The following BPIFA2 variants were observed in gnomAD, a reference collection of about 807,000 sequenced individuals.
BPIFA2 encodes BPI fold containing family A member 2.
BPIFA2 carries 20 observed loss-of-function variants against 25.7 expected under a neutral mutation model. That is an observed-to-expected ratio of 0.78 (90% CI 0.55 to 1.13). BPIFA2 has a LOEUF of 1.13. BPIFA2 is among the 50% of genes most tolerant of loss of function. BPIFA2 has a pLI of 0.00. For synonymous variants in BPIFA2, 126 were observed against 124.3 expected, an observed-to-expected ratio of 1.01 and a Z score of -0.09; for missense variants, 300 against 298.1, an observed-to-expected ratio of 1.01 and a Z score of -0.05.
At chr20:33,166,499 C>T (rs6087460), upstream of BPIFA2, among the ~76,000 whole-genome samples, 1 of 152,204 alleles carries the variant, frequency 6.6e-6, no homozygotes, top group Non-Finnish European at 1.5e-5. Flanking sequence ...GGGTATTACA[C>T]TAATTTGACC....
chr20:33,166,047 C>T (rs781258689), upstream of BPIFA2, among the ~76,000 whole-genome samples: 13 of 152,068 alleles, frequency 8.5e-5, no homozygotes, highest in Non-Finnish European at 1.5e-4. Context: ...GACGGAGTTT[C>T]GCTCTTTTGC....
At chr20:33,179,797 G>A in intron 7 of BPIFA2, 130 bp downstream of exon 7, 1 of 939,646 alleles carries the variant, frequency 1.1e-6, no homozygotes, top group Non-Finnish European at 1.7e-6. Context: ...TGGGAGCCAT[G>A]GCTTCCCCTC....
chr20:33,173,907 G>C lies in BPIFA2; in HGVS notation c.303-172G>C, dbSNP rs560174832. 1.8e-3 allele frequency among the ~76,000 whole-genome samples: 278 copies of C among 152,306 alleles called. 2 individuals carry two copies. The highest frequency in any genetic ancestry group is 1.8e-3 in the Non-Finnish European group (125 of 68,030). ...GAAAATCACACCAGCCTGAGCCTCA[G>C]TGTGCTGTGCCATAAAATACAGAGA... is the stretch of plus-strand genomic sequence containing the variant. On this transcript the variant is annotated intron_variant, in intron 3 of 8. Transcript: ENST00000354932.
intron 2 of BPIFA2, among the ~76,000 whole-genome samples, 155 bp from the exon 3 acceptor site, chr20:33,172,777 A>T (rs1268367847): frequency 3.3e-5 from 5 of 152,136 alleles, no homozygotes; most frequent in Non-Finnish European, 7.4e-5. Flanking sequence ...TTATTTCCTT[A>T]GCTATAAAAA....
intron 7 of BPIFA2, among the ~76,000 whole-genome samples, 165 bp from the exon 8 acceptor site, chr20:33,180,355 A>C (rs1379581263): frequency 6.6e-6 from 1 of 152,156 alleles, no homozygotes; most frequent in East Asian, 1.9e-4. Context: ...CTGTCATTGT[A>C]CCCACTTTAC....
Position 33,169,204 on chromosome 20 carries a change from C to T in BPIFA2, c.59C>T (p.Ser20Phe), listed in dbSNP as rs1190562237. The T allele has an allele frequency of 3.7e-6, 6 of 1,613,938 alleles. No homozygotes were observed. Among genetic ancestry groups the T allele is most frequent in the Middle Eastern group, 1.6e-4 (1 of 6,084 alleles). Residue 20 changes from serine to phenylalanine, a missense_variant, in exon 2 of 9, where the codon TCT (serine) becomes TTT (phenylalanine). Physicochemically the swap from Ser to Phe is radical, Grantham distance 155. Coordinates refer to ENST00000354932, the MANE Select transcript of BPIFA2 (RefSeq NM_080574.4). ...GGCGTGCTCACTGGGACCTCAGAGT[C>T]TCTTCTTGACAATCTTGGCAATGAC... ...LCGVLTGTSE[S>F]LLDNLGNDLS...
chr20:33,180,744 G>C, intron 8 of BPIFA2, 147 bp downstream of exon 8: 1 of 639,948 alleles, frequency 1.6e-6, no homozygotes, highest in Non-Finnish European at 2.7e-6. Flanking sequence ...GCTAGGCCCT[G>C]ATTCTGGTCA....
chr20:33,178,177 T>G lies in BPIFA2; in HGVS notation c.594T>G (p.Asn198Lys), dbSNP rs1984148067. The G allele has an allele frequency of 6.2e-7, 1 of 1,607,502 alleles. No homozygotes were observed. The highest frequency in any genetic ancestry group is 1.1e-5 in the South Asian group (1 of 90,304). ...GCCAAATCATCAACAAGTTCGTGAA[T>G]AGCGTGATCAACACGCTGAAAAGCA... ...KHSQIINKFV[N>K]SVINTLKSTV... is the part of the protein sequence containing the mutation. The change falls in exon 6 of 9, where the codon AAT becomes AAG. Residue 198 changes from asparagine to lysine, a missense_variant. Asn to Lys is a moderately conservative substitution (Grantham distance 94, BLOSUM62 0). Coordinates refer to ENST00000354932, the MANE Select transcript of BPIFA2 (RefSeq NM_080574.4).
rs180727332 is a variant in BPIFA2, at chr20:33,169,400, G to A, written c.157+98G>A. The A allele has an allele frequency of 4.9e-3, 6,171 of 1,264,420 alleles. 49 individuals are homozygous for A. The highest frequency in any genetic ancestry group is 4.5e-3 in the Non-Finnish European group (4,040 of 904,212). 78.3% of individuals were successfully genotyped at this position (1,264,420 alleles called of 1,614,324 possible). A position where few individuals can be genotyped will look rare whatever the true frequency, so the allele number is the denominator to read the frequency against. On this transcript the variant is annotated intron_variant, in intron 2 of 8. Transcript: ENST00000354932. Reference sequence around the variant, plus strand: ...CTGCCACCAGGGGCTACTCTTTATGGGCGGTTTACTGAGAAAAGTGGCTAT... The same window carrying A: ...CTGCCACCAGGGGCTACTCTTTATGAGCGGTTTACTGAGAAAAGTGGCTAT...
intron 2 of BPIFA2, among the ~76,000 whole-genome samples, chr20:33,170,649 C>T (rs1286515875): frequency 6.6e-6 from 1 of 152,184 alleles, no homozygotes; most frequent in Non-Finnish European, 1.5e-5. Context: ...CTGCCTTGGC[C>T]TCCCGAAGTA....
intron 6 of BPIFA2, 103 bp from the exon 7 acceptor site, chr20:33,179,501 T>G: frequency 1.1e-6 from 1 of 883,736 alleles, no homozygotes; most frequent in Non-Finnish European, 1.9e-6. Context: ...TCCCTAGAAA[T>G]GAGCTCATCT....
intron 2 of BPIFA2, among the ~76,000 whole-genome samples, chr20:33,170,177 T>C (rs6120132): frequency 0.17 from 25,113 of 152,172 alleles, 5,248 homozygotes; most frequent in African/African-American, 0.49. Context: ...ATTATACGAT[T>C]AGACGTAGTT....
At chr20:33,165,753 C>A (rs932388645), upstream of BPIFA2, among the ~76,000 whole-genome samples, 1 of 152,164 alleles carries the variant, frequency 6.6e-6, no homozygotes, top group African/African-American at 2.4e-5. Flanking sequence ...AAATTCATCT[C>A]GCGACCCTCA....
intron 4 of BPIFA2, 143 bp from the exon 5 acceptor site, chr20:33,175,264 A>T: frequency 1.2e-6 from 1 of 802,416 alleles, no homozygotes; most frequent in Non-Finnish European, 2.0e-6. Flanking sequence ...CTCATAGAGG[A>T]TATGGACCAT....
chr20:33,174,462 A>G (rs1483150588), intron 4 of BPIFA2, among the ~76,000 whole-genome samples: 2 of 152,220 alleles, frequency 1.3e-5, no homozygotes, highest in Non-Finnish European at 2.9e-5. Context: ...TGAAAAGTTG[A>G]GATAACAAAC....
intron 5 of BPIFA2, among the ~76,000 whole-genome samples, chr20:33,176,073 TAAC>T (rs200654341): frequency 6.1e-4 from 92 of 151,862 alleles, no homozygotes; most frequent in African/African-American, 1.9e-3. Flanking sequence ...ATAATAATAA[TAAC>T]GATAAAATTA....
At chr20:33,164,946 T>C (rs1363758663), upstream of BPIFA2, among the ~76,000 whole-genome samples, 1 of 152,258 alleles carries the variant, frequency 6.6e-6, no homozygotes, top group African/African-American at 2.4e-5. Flanking sequence ...CCTCCATCTG[T>C]CAGTCCATAG....
chr20:33,175,577 T>C lies in BPIFA2; in HGVS notation c.563+18T>C, dbSNP rs1307705240. On this transcript the variant is annotated intron_variant, in intron 5 of 8. Transcript: ENST00000354932. ...CTGGACAAGTAAGTCCCATTCATCT[T>C]AGTAGAGCTGGGCTCTCAGGGAACT... The C allele has an allele frequency of 4.3e-6, 7 of 1,612,488 alleles. No individual in the cohort carries two copies. In the South Asian group the frequency reaches 5.5e-5, roughly 13 times the overall value.
chr20:33,173,817 T>A (rs958615717), intron 3 of BPIFA2, among the ~76,000 whole-genome samples: 3 of 152,186 alleles, frequency 2.0e-5, no homozygotes, highest in Non-Finnish European at 1.5e-5. Context: ...CTCATGAACT[T>A]TTAAAGTCAG....
Sources: gnomAD v4.1 joint callset for allele counts (sites outside exome capture counted in the v4.1 genomes callset) on GRCh38, gnomAD v4.1.1 for gene constraint, MANE v1.5 for transcripts, NCBI Gene and HGNC (gene_info 2026-07-23, HGNC 2026-07-21) for gene names.